LDLRAD3: variants seen among roughly 807,000 people sequenced by gnomAD.
The protein encoded by LDLRAD3 is low density lipoprotein receptor class A domain containing 3.
A neutral mutation model predicts 29.4 loss-of-function variants in LDLRAD3; 20 were observed. That is an observed-to-expected ratio of 0.68 (90% CI 0.48 to 0.99). The LOEUF is 0.99. Ranked by LOEUF, LDLRAD3 falls within the 50% of genes least tolerant of loss-of-function variation. The pLI is 0.00. For missense variants in LDLRAD3, 420 were observed against 454.3 expected, an observed-to-expected ratio of 0.92 and a Z score of 0.69; for synonymous variants, 157 against 192.7, an observed-to-expected ratio of 0.81 and a Z score of 1.53.
At chr11:36,035,237 C>T (rs1169920782) in intron 1 of LDLRAD3, among the ~76,000 whole-genome samples, 1 of 150,580 alleles carries the variant, frequency 6.6e-6, no homozygotes, top group Non-Finnish European at 1.5e-5. Flanking sequence ...CCTTATCTCT[C>T]AGCCATTGAT....
intron 2 of LDLRAD3, among the ~76,000 whole-genome samples, chr11:36,051,929 T>C (rs80230201): frequency 0.026 from 3,912 of 152,268 alleles, 156 homozygotes; most frequent in African/African-American, 0.089. Flanking sequence ...CATTACTCAT[T>C]TGTTAATGCA....
At chr11:36,049,331 G>A (rs1386736484) in intron 2 of LDLRAD3, among the ~76,000 whole-genome samples, 2 of 151,838 alleles carry the variant, frequency 1.3e-5, no homozygotes, top group Non-Finnish European at 2.9e-5. Flanking sequence ...TAGCTAGTGT[G>A]CAGTTGCCAG....
intron 3 of LDLRAD3, among the ~76,000 whole-genome samples, chr11:36,086,143 G>C (rs1380743916): frequency 6.6e-6 from 1 of 152,008 alleles, no homozygotes; most frequent in Non-Finnish European, 1.5e-5. Context: ...GAGACTTTCT[G>C]TTTTTCCATT....
intron 4 of LDLRAD3, among the ~76,000 whole-genome samples, chr11:36,186,987 A>C (rs1445201113): frequency 1.3e-5 from 2 of 152,144 alleles, no homozygotes; most frequent in African/African-American, 2.4e-5. Context: ...CAGGGGATCC[A>C]TTTGTGATTA....
At chr11:36,132,245 G>T (rs1360356466) in intron 4 of LDLRAD3, among the ~76,000 whole-genome samples, 2 of 152,068 alleles carry the variant, frequency 1.3e-5, no homozygotes, top group Non-Finnish European at 2.9e-5. Flanking sequence ...AATAAAGGAG[G>T]CTGCATTAAG....
At chr11:36,093,723 G>C (rs575023314) in intron 3 of LDLRAD3, among the ~76,000 whole-genome samples, 1 of 152,290 alleles carries the variant, frequency 6.6e-6, no homozygotes, top group African/African-American at 2.4e-5. Flanking sequence ...CCATGTCCAA[G>C]AAGAATGAGA....
At position 35,991,378 on chromosome 11, in the gene LDLRAD3, T is replaced by C. The variant is rs1000280315; in HGVS notation, c.47-44725T>C. Among the ~76,000 whole-genome samples the C allele has an allele frequency of 5.3e-5, 8 of 152,312 alleles. No homozygotes were observed. The East Asian group carries it at 1.5e-3, about 29-fold the overall frequency. On this transcript the variant is annotated intron_variant, in intron 1 of 5. Transcript: ENST00000315571. ...CCCAAACTGCAGAAGGCTTATTCAC[T>C]GCAAGACTCTAAATGTCTTACCTCC...
chr11:36,170,788 G>A (rs995404506), intron 4 of LDLRAD3, among the ~76,000 whole-genome samples: 9 of 151,462 alleles, frequency 5.9e-5, no homozygotes, highest in Admixed American at 1.3e-4. Flanking sequence ...ACGTTTGTTG[G>A]CCATTTGTAT....
At position 36,227,128 on chromosome 11, in the gene LDLRAD3, T is replaced by TG. The variant is rs767680853; in HGVS notation, c.499dup (p.Val167GlyfsTer71). ...TGTTTGTGACTTCAGAGAACCAACT[T>TG]GTGTATTACCCCAGCATCACCTATG... On this transcript the variant is annotated frameshift_variant, in exon 5 of 6. Transcript: ENST00000315571. LOFTEE classifies it high-confidence loss of function. The TG allele has an allele frequency of 9.5e-5, 153 of 1,610,226 alleles. 1 individual carries two copies. The highest frequency in any genetic ancestry group is 2.1e-5 in the Non-Finnish European group (25 of 1,177,160).
chr11:36,183,592 A>G (rs1215308271), intron 4 of LDLRAD3, among the ~76,000 whole-genome samples: 1 of 152,270 alleles, frequency 6.6e-6, no homozygotes, highest in Non-Finnish European at 1.5e-5. Context: ...TTCTCAAAGT[A>G]TAGATGGACA....
intron 4 of LDLRAD3, among the ~76,000 whole-genome samples, chr11:36,159,820 C>T (rs1268850870): frequency 2.0e-5 from 3 of 151,902 alleles, no homozygotes; most frequent in African/African-American, 7.2e-5. Context: ...AGGCCTATGA[C>T]CTTTGCCCAC....
intron 3 of LDLRAD3, 81 bp downstream of exon 3, chr11:36,081,859 T>A: frequency 1.3e-6 from 2 of 1,542,280 alleles, no homozygotes; most frequent in East Asian, 4.5e-5. Context: ...ACCCTCATCA[T>A]GTGCTTCTTA....
chr11:36,024,335 T>TATGTCC lies in LDLRAD3; in HGVS notation c.47-11766_47-11765insGTCCAT, dbSNP rs1478810208. On this transcript the variant is annotated intron_variant, in intron 1 of 5. Coordinates refer to ENST00000315571, the MANE Select transcript of LDLRAD3 (RefSeq NM_174902.4). Reference sequence around the variant, plus strand: ...TATGTTTTATATCTATATCTATAGCTATATCCATATCTATATCTATAGCCA... The same window carrying TATGTCC: ...TATGTTTTATATCTATATCTATAGCTATGTCCATATCCATATCTATATCTATAGCCA... Among the ~76,000 whole-genome samples the TATGTCC allele has an allele frequency of 2.1e-4, 14 of 68,274 alleles. No individual in the cohort carries two copies. In the Admixed American group the frequency reaches 3.0e-3, roughly 15 times the overall value. 44.8% of individuals were successfully genotyped at this position (68,274 alleles called of 152,430 possible).
intron 4 of LDLRAD3, among the ~76,000 whole-genome samples, chr11:36,105,283 G>A (rs1853512587): frequency 6.7e-6 from 1 of 150,240 alleles, no homozygotes; most frequent in African/African-American, 2.5e-5. Flanking sequence ...GGTGTGTGTG[G>A]TTGTAAGAGT....
At chr11:35,978,355 T>C (rs1851500366) in intron 1 of LDLRAD3, among the ~76,000 whole-genome samples, 1 of 152,218 alleles carries the variant, frequency 6.6e-6, no homozygotes, top group Non-Finnish European at 1.5e-5. Context: ...GCTGCACTGC[T>C]CCCTTCAGCC....
At chr11:36,161,595 TGGATGGATGGA>T (rs1854440898) in intron 4 of LDLRAD3, among the ~76,000 whole-genome samples, 2 of 130,684 alleles carry the variant, frequency 1.5e-5, no homozygotes, top group African/African-American at 6.2e-5. Context: ...GATGGATGGA[TGGATGGATGGA>T]GTACAACAAT....
intron 4 of LDLRAD3, among the ~76,000 whole-genome samples, chr11:36,122,853 A>C (rs1313832525): frequency 1.3e-5 from 2 of 152,120 alleles, no homozygotes; most frequent in African/African-American, 4.8e-5. Flanking sequence ...ATCCTATCTC[A>C]ATTTTTAAAT....
Position 35,960,478 on chromosome 11 carries a change from C to T in LDLRAD3, c.46+16334C>T, listed in dbSNP as rs930342177. Among the ~76,000 whole-genome samples the T allele has an allele frequency of 7.9e-5, 12 of 152,218 alleles. 1 individual carries two copies. In the South Asian group the frequency reaches 2.5e-3, roughly 32 times the overall value. On this transcript the variant is annotated intron_variant, in intron 1 of 5. Coordinates refer to ENST00000315571, the MANE Select transcript of LDLRAD3 (RefSeq NM_174902.4). Reference sequence around the variant, plus strand: ...TATAAAATGGTCCTGCCCATTTATCCTCTCATTAGTGGTTTATGAGAGCAT... The same window carrying T: ...TATAAAATGGTCCTGCCCATTTATCTTCTCATTAGTGGTTTATGAGAGCAT...
chr11:36,163,792 T>C (rs1023547505), intron 4 of LDLRAD3, among the ~76,000 whole-genome samples: 1 of 152,066 alleles, frequency 6.6e-6, no homozygotes, highest in Non-Finnish European at 1.5e-5. Context: ...AAGCTTTAGA[T>C]TTGATATATA....
Sources: allele counts gnomAD v4.1 joint callset (sites outside exome capture counted in the v4.1 genomes callset), GRCh38; gene constraint gnomAD v4.1.1; transcripts MANE v1.5; gene names NCBI Gene and HGNC (gene_info 2026-07-23, HGNC 2026-07-21).